The following POTEC variants were observed in gnomAD, a reference collection of about 807,000 sequenced individuals.
POTEC encodes POTE ankyrin domain family member C, also known as ANKRD26-like family B member 2.
POTEC carries 35 observed loss-of-function variants against 62.0 expected under a neutral mutation model. That is an observed-to-expected ratio of 0.56 (90% CI 0.43 to 0.75). POTEC has a LOEUF of 0.75. POTEC is among the 30% of genes least tolerant of loss of function. The pLI is 0.00. For missense variants in POTEC, 472 were observed against 655.9 expected, an observed-to-expected ratio of 0.72 and a Z score of 3.06; for synonymous variants, 156 against 221.5, an observed-to-expected ratio of 0.70 and a Z score of 2.62.
Position 14,543,092 on chromosome 18 carries a change from C to G in POTEC, c.55G>C (p.Asp19His), listed in dbSNP as rs367762014. ...CACTTGCCCATCTTGCTCCTGAGAT[C>G]GAATGGCTTCTTCACAGCAGAGGCA... Reference protein sequence around the residue: ...PAASAVKKPFDLRSKMGKWFH... With the variant: ...PAASAVKKPFHLRSKMGKWFH... Residue 19 changes from aspartate to histidine, a missense_variant, in exon 1 of 11, where the codon GAT becomes CAT. By Grantham distance (81) the Asp-to-His change is moderately conservative. Around this residue, in one of 5 missense-constraint regions of POTEC, gnomAD observed 257 missense variants for 250.7 expected, o/e 1.03. Transcript: ENST00000358970. The G allele has an allele frequency of 6.6e-5, 107 of 1,613,842 alleles. No individual in the cohort carries two copies. Among genetic ancestry groups the G allele is most frequent in the Non-Finnish European group, 8.6e-5 (102 of 1,179,896 alleles).
intron 3 of POTEC, among the ~76,000 whole-genome samples, chr18:14,536,827 A>C (rs1262693662): frequency 6.6e-6 from 1 of 152,188 alleles, no homozygotes; most frequent in Non-Finnish European, 1.5e-5. Flanking sequence ...AACAAGGTCT[A>C]GTAAACTCAA....
intron 1 of POTEC, among the ~76,000 whole-genome samples, chr18:14,538,744 G>C (rs1905834841): frequency 6.6e-6 from 1 of 152,108 alleles, no homozygotes; most frequent in Non-Finnish European, 1.5e-5. Flanking sequence ...TACACTTTCA[G>C]GTACATTTTA....
At chr18:14,542,324 T>C (rs1361392012) in intron 1 of POTEC, among the ~76,000 whole-genome samples, 1 of 152,260 alleles carries the variant, frequency 6.6e-6, no homozygotes. Context: ...TAGAACATTG[T>C]TTTAAAATGT....
intron 6 of POTEC, among the ~76,000 whole-genome samples, chr18:14,528,313 T>C (rs1380647579): frequency 6.6e-6 from 1 of 152,174 alleles, no homozygotes; most frequent in East Asian, 1.9e-4. Flanking sequence ...TTCCTTATTC[T>C]TTCTTGCAGA....
chr18:14,543,345 C>T lies in POTEC; in HGVS notation c.-199G>A, dbSNP rs1171889007. On this transcript the variant is annotated 5_prime_UTR_variant, in exon 1 of 11. It adds an upstream start codon to the 5' untranslated region. Coordinates refer to ENST00000358970, the MANE Select transcript of POTEC (RefSeq NM_001137671.2). Reference sequence around the variant, plus strand: ...CCCACACCCACCCGGGGAAAGCCCACGCCCACCAGGGGGACCCAACGCCCA... The same window carrying T: ...CCCACACCCACCCGGGGAAAGCCCATGCCCACCAGGGGGACCCAACGCCCA... The T allele has an allele frequency of 2.9e-5, 28 of 951,888 alleles. No homozygotes were observed. Among genetic ancestry groups the T allele is most frequent in the Non-Finnish European group, 6.2e-6 (4 of 649,038 alleles). The allele number at this position is 951,888 out of a possible 1,614,324, so 59.0% of individuals were successfully genotyped here.
In POTEC at chr18:14,533,568, G is replaced by C. The variant is rs547656568; in HGVS notation, c.918-370C>G. ...ATATGCTGTAATAGAAAATTAGCTAGGGGGTAAGATAAATAAGAGCTCTCT... is the reference window on the plus strand; with the variant it reads ...ATATGCTGTAATAGAAAATTAGCTACGGGGTAAGATAAATAAGAGCTCTCT... On this transcript the variant is annotated intron_variant, in intron 4 of 10. Transcript: ENST00000358970. Among the ~76,000 whole-genome samples, 20 of 152,198 alleles carry C rather than the reference G, an allele frequency of 1.3e-4. 1 individual carries two copies. The South Asian group carries it at 4.1e-3, about 32-fold the overall frequency.
At chr18:14,542,497 G>A in intron 1 of POTEC, 129 bp downstream of exon 1, 2 of 1,452,046 alleles carry the variant, frequency 1.4e-6, no homozygotes, top group East Asian at 2.3e-5. Flanking sequence ...CCTCTCTGAG[G>A]TTTCCACACC....
chr18:14,518,298 C>T (rs1193779107), intron 9 of POTEC, among the ~76,000 whole-genome samples: 2 of 150,590 alleles, frequency 1.3e-5, no homozygotes, highest in Non-Finnish European at 3.0e-5. Context: ...CAGGATGTTA[C>T]AGGAGAAAAA....
chr18:14,511,645 A>G lies in POTEC; in HGVS notation c.*253T>C. On this transcript the variant is annotated 3_prime_UTR_variant, in exon 11 of 11. Transcript: ENST00000358970. ...TTTGATCACAATCATGTAGAGCAGT[A>G]GTCAGTCTACAATGACATGATTGAA... The G allele has an allele frequency of 1.8e-6, 1 of 568,182 alleles. No homozygotes were observed. The highest frequency in any genetic ancestry group is 2.9e-5 in the East Asian group (1 of 34,082). 35.2% of individuals were successfully genotyped at this position (568,182 alleles called of 1,614,324 possible).
At chr18:14,527,281 T>G (rs1398989014) in intron 6 of POTEC, among the ~76,000 whole-genome samples, 1 of 152,148 alleles carries the variant, frequency 6.6e-6, no homozygotes, top group Admixed American at 6.6e-5. Context: ...TGTTGCTTTG[T>G]TTAAAGGAAG....
At chr18:14,532,488 G>A (rs1905558004) in intron 5 of POTEC, among the ~76,000 whole-genome samples, 1 of 152,066 alleles carries the variant, frequency 6.6e-6, no homozygotes. Context: ...AGGGCATCTT[G>A]GTGTCAAAGG....
chr18:14,536,456 C>G (rs1339218023), intron 3 of POTEC, among the ~76,000 whole-genome samples: 2 of 151,946 alleles, frequency 1.3e-5, no homozygotes, highest in Admixed American at 6.6e-5. Flanking sequence ...TAGACTAGAA[C>G]TCCTAAGCTC....
intron 1 of POTEC, among the ~76,000 whole-genome samples, chr18:14,541,528 C>T (rs1259048505): frequency 6.6e-6 from 1 of 152,104 alleles, no homozygotes; most frequent in African/African-American, 2.4e-5. Context: ...GTAATCCCAG[C>T]TACTTGGTAG....
chr18:14,529,002 G>T (rs892729451), intron 6 of POTEC: 6 of 454,384 alleles, frequency 1.3e-5, no homozygotes, highest in Middle Eastern at 6.9e-4. Flanking sequence ...ACACAATCTT[G>T]TTGCATGTTC....
At chr18:14,513,822 T>C (rs1480188278) in intron 9 of POTEC, 37 bp from the exon 10 acceptor site, 1 of 1,604,056 alleles carries the variant, frequency 6.2e-7, no homozygotes, top group Non-Finnish European at 8.5e-7. Context: ...ATACTGGAGG[T>C]GTCCCTAAAA....
chr18:14,525,209 T>G (rs1910405417), intron 6 of POTEC, among the ~76,000 whole-genome samples: 3 of 146,428 alleles, frequency 2.0e-5, no homozygotes, highest in Admixed American at 1.4e-4. Flanking sequence ...CCCACATAAA[T>G]GAACAAAACC....
chr18:14,537,206 CACACAAAAAA>C lies in POTEC; in HGVS notation c.810+585_810+594del, dbSNP rs1458595874. On this transcript the variant is annotated intron_variant, in intron 3 of 10. Coordinates refer to ENST00000358970, the MANE Select transcript of POTEC (RefSeq NM_001137671.2). ...ACACACACACACACACACACACACA[CACACAAAAAA>C]AAAAAAAAACAAAAAAAAACCTCTT... Among the ~76,000 whole-genome samples, 22 of 76,864 alleles carry C rather than the reference CACACAAAAAA, an allele frequency of 2.9e-4. No individual in the cohort carries two copies. In the South Asian group the frequency reaches 3.0e-3, roughly 10 times the overall value. The allele number at this position is 76,864 out of a possible 152,430, so 50.4% of individuals were successfully genotyped here. A position where few individuals can be genotyped will look rare whatever the true frequency, so the allele number is the denominator to read the frequency against.
chr18:14,536,052 G>C (rs1292133447), intron 3 of POTEC, among the ~76,000 whole-genome samples: 1 of 151,294 alleles, frequency 6.6e-6, no homozygotes, highest in African/African-American at 2.4e-5. Context: ...TGATTCACTT[G>C]AGCCCAGGAG....
intron 9 of POTEC, among the ~76,000 whole-genome samples, chr18:14,519,266 T>A (rs1910247675): frequency 6.6e-6 from 1 of 152,166 alleles, no homozygotes; most frequent in African/African-American, 2.4e-5. Flanking sequence ...AGGAAGGACA[T>A]CAGTAGCCCA....
Sources: gnomAD v4.1 joint callset for allele counts (sites outside exome capture counted in the v4.1 genomes callset) on GRCh38, gnomAD v4.1.1 for gene constraint, gnomAD v4.1.1 regional missense constraint, MANE v1.5 for transcripts, NCBI Gene and HGNC (gene_info 2026-07-23, HGNC 2026-07-21) for gene names.